Variants in PLCB1 observed in about 807,000 individuals in gnomAD.
PLCB1 encodes phospholipase C beta 1.
In PLCB1, 46 loss-of-function variants were observed where a neutral mutation model predicts 161.8. The ratio of observed to expected loss-of-function variants is 0.28; its 90% CI spans 0.22 to 0.36. PLCB1 has a LOEUF of 0.36. Ranked by LOEUF, PLCB1 falls within the 10% of genes least tolerant of loss-of-function variation. The probability of loss-of-function intolerance (pLI) is 1.00; values close to 1 mark genes in which losing one functional copy is unlikely to be tolerated. For missense variants in PLCB1, 1,016 were observed against 1,472.5 expected, an observed-to-expected ratio of 0.69 and a Z score of 5.07; for synonymous variants, 517 against 503.7, an observed-to-expected ratio of 1.03 and a Z score of -0.35.
intron 2 of PLCB1, among the ~76,000 whole-genome samples, chr20:8,329,772 A>G (rs554183766): frequency 5.6e-4 from 86 of 152,272 alleles, no homozygotes; most frequent in African/African-American, 2.0e-3. Context: ...TTTGCTTCAG[A>G]GTCCACCTAT....
intron 3 of PLCB1, among the ~76,000 whole-genome samples, chr20:8,539,693 T>TCTTTCTTTTTCTTTTTCC (rs1555768779): frequency 9.9e-6 from 1 of 101,166 alleles, no homozygotes; most frequent in African/African-American, 3.5e-5. Context: ...TCTTTTTCTT[T>TCTTTCTTTTTCTTTTTCC]TTCCTTCCTT....
At chr20:8,326,176 A>G (rs1010937601) in intron 2 of PLCB1, among the ~76,000 whole-genome samples, 1 of 152,232 alleles carries the variant, frequency 6.6e-6, no homozygotes, top group Non-Finnish European at 1.5e-5. Context: ...AACTTCAGAA[A>G]GAGTCCTAAC....
chr20:8,670,003 T>C (rs1196602054), intron 9 of PLCB1, among the ~76,000 whole-genome samples: 1 of 152,030 alleles, frequency 6.6e-6, no homozygotes, highest in Non-Finnish European at 1.5e-5. Context: ...CTGTGGAGGG[T>C]CTCCTCTCAT....
At chr20:8,785,764 G>A (rs6056110) in intron 27 of PLCB1, among the ~76,000 whole-genome samples, 5 of 152,126 alleles carry the variant, frequency 3.3e-5, no homozygotes, top group Non-Finnish European at 7.4e-5. Context: ...ACTGGAGGCC[G>A]ATGCTGCTGA....
intron 2 of PLCB1, among the ~76,000 whole-genome samples, chr20:8,266,101 A>G (rs954885674): frequency 6.6e-6 from 1 of 152,072 alleles, no homozygotes; most frequent in South Asian, 2.1e-4. Context: ...TGTGTTGGCA[A>G]TTTTTAGTTG....
chr20:8,621,490 G>A (rs1988182558), intron 3 of PLCB1, among the ~76,000 whole-genome samples: 1 of 152,188 alleles, frequency 6.6e-6, no homozygotes, highest in Non-Finnish European at 1.5e-5. Context: ...CAGCAAGGAT[G>A]ATTGTACAAA....
intron 23 of PLCB1, among the ~76,000 whole-genome samples, chr20:8,743,597 C>T (rs1980996179): frequency 6.6e-6 from 1 of 152,076 alleles, no homozygotes; most frequent in African/African-American, 2.4e-5. Flanking sequence ...AGACCATTCT[C>T]TCAGTTACTC....
intron 10 of PLCB1, among the ~76,000 whole-genome samples, chr20:8,686,845 T>A (rs1034105480): frequency 2.0e-5 from 3 of 152,120 alleles, no homozygotes; most frequent in African/African-American, 7.2e-5. Context: ...AACAGACTAT[T>A]CTCCAGTGAG....
In PLCB1 at chr20:8,768,008, A is replaced by G. The variant is rs138817321; in HGVS notation, c.2930+2650A>G. On this transcript the variant is annotated intron_variant, in intron 26 of 31. Coordinates refer to ENST00000338037, the MANE Select transcript of PLCB1 (RefSeq NM_015192.4). ...AACATGGTGAAACCCCATCTCTACT[A>G]AAAATATGAAAATTAGCCAGGCATG... Among the ~76,000 whole-genome samples the G allele has an allele frequency of 3.8e-4, 57 of 151,974 alleles. 1 individual carries two copies. In the East Asian group the frequency reaches 0.011, roughly 29 times the overall value.
intron 3 of PLCB1, among the ~76,000 whole-genome samples, chr20:8,394,410 A>AAAG (rs1310501716): frequency 1.3e-5 from 2 of 152,136 alleles, no homozygotes; most frequent in African/African-American, 4.8e-5. Flanking sequence ...GTGCAGAAAG[A>AAAG]AAGAAGTCTG....
In PLCB1 at chr20:8,535,105, TAAAA is replaced by T. The variant is rs10560220; in HGVS notation, c.247-93172_247-93169del. On this transcript the variant is annotated intron_variant, in intron 3 of 31. Transcript: ENST00000338037. The stretch of plus-strand genomic sequence containing the variant: ...AAATATAATTTTTAGAGTTTTAAAG[TAAAA>T]AAAAAAAAAAAAAAAAGGATAGAGT... Among the ~76,000 whole-genome samples, 502 of 108,282 alleles carry T rather than the reference TAAAA, an allele frequency of 4.6e-3. 2 individuals are homozygous for T. The highest frequency in any genetic ancestry group is 8.2e-3 in the African/African-American group (242 of 29,596). 71.0% of individuals were successfully genotyped at this position (108,282 alleles called of 152,430 possible).
chr20:8,698,876 G>A (rs1009223388), intron 11 of PLCB1, among the ~76,000 whole-genome samples: 1 of 152,098 alleles, frequency 6.6e-6, no homozygotes, highest in Non-Finnish European at 1.5e-5. Flanking sequence ...GGTGCATTTG[G>A]TCTCTCTCTT....
intron 2 of PLCB1, among the ~76,000 whole-genome samples, chr20:8,191,222 G>A (rs947228786): frequency 5.3e-5 from 8 of 151,788 alleles, no homozygotes; most frequent in South Asian, 2.1e-4. Context: ...CATACAATGC[G>A]TAATGATCAC....
chr20:8,657,906 A>G (rs1328957059), intron 8 of PLCB1, among the ~76,000 whole-genome samples: 1 of 152,146 alleles, frequency 6.6e-6, no homozygotes, highest in African/African-American at 2.4e-5. Context: ...GATTTCTTCA[A>G]ATGGAAGACA....
At chr20:8,724,032 G>A (rs1373130627) in intron 15 of PLCB1, among the ~76,000 whole-genome samples, 2 of 151,796 alleles carry the variant, frequency 1.3e-5, no homozygotes, top group South Asian at 2.1e-4. Context: ...AGAACACATG[G>A]ACACATAAAG....
At chr20:8,446,076 A>G (rs974930703) in intron 3 of PLCB1, among the ~76,000 whole-genome samples, 1 of 152,084 alleles carries the variant, frequency 6.6e-6, no homozygotes, top group Non-Finnish European at 1.5e-5. Flanking sequence ...CATCATCCTG[A>G]TACCAAAGCC....
intron 3 of PLCB1, among the ~76,000 whole-genome samples, chr20:8,605,545 G>A (rs1038701782): frequency 7.2e-6 from 1 of 138,840 alleles, no homozygotes; most frequent in African/African-American, 2.7e-5. Flanking sequence ...TTGTCAAATT[G>A]TTCTTCCAGT....
chr20:8,163,238 C>A (rs2051643483), intron 2 of PLCB1, among the ~76,000 whole-genome samples: 1 of 152,150 alleles, frequency 6.6e-6, no homozygotes, highest in Non-Finnish European at 1.5e-5. Flanking sequence ...CATTGGAGAG[C>A]CCTGGGAGAC....
intron 2 of PLCB1, among the ~76,000 whole-genome samples, chr20:8,223,022 TAAAAC>T (rs978065849): frequency 1.3e-5 from 2 of 152,164 alleles, no homozygotes; most frequent in African/African-American, 4.8e-5. Context: ...TTTGTCCACT[TAAAAC>T]AAGCAAACTT....
Sources: gnomAD v4.1 joint callset for allele counts (sites outside exome capture counted in the v4.1 genomes callset) on GRCh38, gnomAD v4.1.1 for gene constraint, MANE v1.5 for transcripts, NCBI Gene and HGNC (gene_info 2026-07-23, HGNC 2026-07-21) for gene names.